Variants in TRPM5 observed in about 807,000 individuals in gnomAD.
TRPM5 encodes the protein MLSN1 and TRP-related.
TRPM5 carries 121 observed loss-of-function variants against 124.9 expected under a neutral mutation model. That is an observed-to-expected ratio of 0.97 (90% CI 0.84 to 1.13). The LOEUF is 1.13. TRPM5 is among the 50% of genes most tolerant of loss of function. The pLI is 0.00. For missense variants in TRPM5, 1,643 were observed against 1,589.1 expected, an observed-to-expected ratio of 1.03 and a Z score of -0.58; for synonymous variants, 781 against 700.5, an observed-to-expected ratio of 1.11 and a Z score of -1.81.
exon 7 of TRPM5, chr11:2,417,782 G>T: frequency 6.3e-7 from 1 of 1,593,520 alleles, no homozygotes; most frequent in Admixed American, 1.7e-5. Context: ...CCTCCTGCTC[G>T]AAGTCATACA....
chr11:2,443,669 ACCCAGGGTG>A, the TRPM5 span, among the ~76,000 whole-genome samples: 1,720 of 152,164 alleles, frequency 0.011, 34 homozygotes, highest in African/African-American at 0.04. This position sits in a 1 kb window ranked among gnomAD's most constrained non-coding sequence, Gnocchi z 5.0. Flanking sequence ...CATCAAATTG[ACCCAGGGTG>A]CTCAGGGACG....
chr11:2,424,213 G>A (rs1161027874), upstream of TRPM5, among the ~76,000 whole-genome samples: 1 of 152,246 alleles, frequency 6.6e-6, no homozygotes, highest in Non-Finnish European at 1.5e-5. Flanking sequence ...ACAATGGACC[G>A]TTCTGTAAAA....
intron 22 of TRPM5, 57 bp from the exon 28 acceptor site, chr11:2,405,650 C>G (rs2133495717): frequency 1.3e-6 from 2 of 1,526,840 alleles, no homozygotes; most frequent in South Asian, 2.4e-5. Context: ...CAGCAGGGGA[C>G]AGGCAGCCTC....
exon 24 of TRPM5, chr11:2,404,905 G>C: frequency 6.4e-7 from 1 of 1,563,918 alleles, no homozygotes; most frequent in Non-Finnish European, 8.8e-7. Flanking sequence ...CAGCTGAGGA[G>C]AGGTGGCCCC....
At chr11:2,419,266 C>T (rs3986598) in intron 4 of TRPM5, among the ~76,000 whole-genome samples, 112,853 of 151,796 alleles carry the variant, frequency 0.74, 42,812 homozygotes, top group East Asian at 0.9. Flanking sequence ...CCAGACCCTC[C>T]GCCTGTGTCC....
intron 16 of TRPM5, 66 bp downstream of exon 21, chr11:2,412,069 G>T: frequency 7.2e-7 from 1 of 1,380,396 alleles, no homozygotes; most frequent in Non-Finnish European, 1.0e-6. Flanking sequence ...CCCAACCTGA[G>T]TGGCTTCATC....
chr11:2,441,952 G>T, the TRPM5 span, among the ~76,000 whole-genome samples: 16 of 152,132 alleles, frequency 1.1e-4, no homozygotes, highest in Admixed American at 7.9e-4. The surrounding 1 kb of genome is among the most constrained non-coding windows in gnomAD (Gnocchi z 7.2). Context: ...GCCTCCCAAA[G>T]TGCTGGGATT....
At chr11:2,434,215 CTGTG>C in the TRPM5 span, among the ~76,000 whole-genome samples, 1 of 146,554 alleles carries the variant, frequency 6.8e-6, no homozygotes, top group Non-Finnish European at 1.5e-5. Flanking sequence ...CCATGTGTGT[CTGTG>C]TGGACGCTGT....
the TRPM5 span, among the ~76,000 whole-genome samples, chr11:2,428,549 C>T: frequency 0.27 from 38,973 of 146,898 alleles, 5,192 homozygotes; most frequent in Admixed American, 0.33. This position sits in a 1 kb window ranked among gnomAD's most constrained non-coding sequence, Gnocchi z 4.0. Context: ...GTGCTGATGG[C>T]GGTGTTTGTG....
At position 2,415,008 on chromosome 11, in the gene TRPM5, GC is replaced by G; in HGVS notation, c.1518del (p.Trp506CysfsTer5). On this transcript the variant is annotated frameshift_variant, in exon 10 of 24. Transcript: ENST00000155858. LOFTEE classifies it high-confidence loss of function. ...TCGCTCTTCTGGTTCAGGTCCAGCAGCCACTTCTGGCCCGTGGGCCGCTTGG... is the reference window on the plus strand; with the variant it reads ...TCGCTCTTCTGGTTCAGGTCCAGCAGCACTTCTGGCCCGTGGGCCGCTTGG... 6.2e-7 allele frequency: 1 copy of G among 1,604,898 alleles called. No homozygotes were observed.
rs111816570 is a variant in TRPM5, at chr11:2,417,419, C to T, written c.1009+308G>A. Among the ~76,000 whole-genome samples, 660 of 152,336 alleles carry T rather than the reference C, an allele frequency of 4.3e-3. 5 individuals are homozygous for T. The highest frequency in any genetic ancestry group is 0.02 in the Middle Eastern group (6 of 294). ...GCAGTGAGCCGAGATCGCAGCACTG[C>T]ACTCCAGCCTGGGCGACAGTGCGAG... On this transcript the variant is annotated intron_variant, in intron 7 of 23. Coordinates refer to ENST00000155858, the Ensembl canonical transcript of TRPM5.
chr11:2,418,010 C>G (rs1845710447), intron 6 of TRPM5, among the ~76,000 whole-genome samples, 157 bp downstream of exon 11: 1 of 152,210 alleles, frequency 6.6e-6, no homozygotes, highest in Admixed American at 6.5e-5. Flanking sequence ...GCCTGGGTCT[C>G]TCTGCTCCCT....
In TRPM5 at chr11:2,405,700, G is replaced by A; in HGVS notation, c.3325-107C>T. The A allele has an allele frequency of 1.6e-6, 2 of 1,239,582 alleles. 1 individual carries two copies. The highest frequency in any genetic ancestry group is 2.7e-5 in the South Asian group (2 of 73,460). 76.8% of individuals were successfully genotyped at this position (1,239,582 alleles called of 1,614,324 possible). ...CCTGCCAGGGCCCCCGCTGCCCTGT[G>A]ACTCCTCCCTCTGAGAGCTGCCGCT... On this transcript the variant is annotated intron_variant, in intron 22 of 23. Transcript: ENST00000155858.
intron 7 of TRPM5, among the ~76,000 whole-genome samples, chr11:2,416,244 G>A (rs1223906363): frequency 2.6e-5 from 4 of 152,220 alleles, no homozygotes; most frequent in Non-Finnish European, 5.9e-5. Context: ...CGTCGGGACG[G>A]CCCGTCTGCT....
upstream of TRPM5, chr11:2,423,087 C>T: frequency 7.0e-7 from 1 of 1,424,814 alleles, no homozygotes; most frequent in Non-Finnish European, 9.7e-7. Flanking sequence ...GCTGAGAAGG[C>T]CCATCCCCAC....
In TRPM5 at chr11:2,422,465, G is replaced by T. The variant is rs535673420; in HGVS notation, c.118-144C>A. On this transcript the variant is annotated intron_variant, in intron 1 of 23. Transcript: ENST00000155858. ...GGCACTGGGAGGTGCTGGGCATCAA[G>T]GGGGCTGGACACAGGGGGTACCGGG... 1.4e-3 allele frequency: 844 copies of T among 598,504 alleles called. 3 individuals carry two copies. Among genetic ancestry groups the T allele is most frequent in the South Asian group, 2.4e-3 (121 of 50,522 alleles). 37.1% of individuals were successfully genotyped at this position (598,504 alleles called of 1,614,324 possible).
intron 18 of TRPM5, among the ~76,000 whole-genome samples, chr11:2,408,469 A>C (rs907430813): frequency 6.6e-6 from 1 of 152,248 alleles, no homozygotes. Context: ...AGCAGGCTCC[A>C]GACTGGGCTT....
intron 20 of TRPM5, 58 bp from the exon 26 acceptor site, chr11:2,406,851 C>A: frequency 6.4e-7 from 1 of 1,566,182 alleles, no homozygotes; most frequent in South Asian, 1.2e-5. Context: ...AGTGGCAGAG[C>A]CCAGGCCTGG....
At chr11:2,404,416 CAG>C (rs1850272033), downstream of TRPM5, 1 of 153,888 alleles carries the variant, frequency 6.5e-6, no homozygotes, top group African/African-American at 2.4e-5. Flanking sequence ...GGACAGCTGA[CAG>C]ATGCAGTGGA....
Sources: gnomAD v4.1 joint callset for allele counts (sites outside exome capture counted in the v4.1 genomes callset) on GRCh38, gnomAD v4.1.1 for gene constraint, Gnocchi (gnomAD v3.1) non-coding constraint, MANE v1.5 for transcripts, NCBI Gene and HGNC (gene_info 2026-07-23, HGNC 2026-07-21) for gene names.